Variants in ADAM22 observed in about 807,000 individuals in gnomAD.
The protein encoded by ADAM22 is ADAM metallopeptidase domain 22, also known as disintegrin and metalloproteinase domain-containing protein 22.
A neutral mutation model predicts 144.6 loss-of-function variants in ADAM22; 65 were observed. The observed-to-expected ratio is 0.45, with a 90% CI of 0.37 to 0.55. The LOEUF (loss-of-function observed/expected upper bound fraction) is 0.55. Ranked by LOEUF, ADAM22 falls within the 20% of genes least tolerant of loss-of-function variation. ADAM22 has a pLI of 0.00. For synonymous variants in ADAM22, 391 were observed against 412.6 expected, an observed-to-expected ratio of 0.95 and a Z score of 0.63; for missense variants, 974 against 1,184.9, an observed-to-expected ratio of 0.82 and a Z score of 2.61.
At chr7:88,096,971 TAATCTG>T (rs903929777) in intron 4 of ADAM22, among the ~76,000 whole-genome samples, 1 of 152,088 alleles carries the variant, frequency 6.6e-6, no homozygotes, top group Non-Finnish European at 1.5e-5. Flanking sequence ...ACCTCTTTAG[TAATCTG>T]ACTCTTTTTA....
chr7:88,197,104 T>C lies in ADAM22; in HGVS notation c.*613T>C, dbSNP rs968907935. The stretch of plus-strand genomic sequence containing the variant: ...TATTTATATTAGCATACAAGGACAA[T>C]TGTATATATGTAACATTTTTAAAAT... On this transcript the variant is annotated 3_prime_UTR_variant, in exon 32 of 32. Transcript: ENST00000413139. The C allele has an allele frequency of 1.3e-5, 2 of 152,396 alleles. No homozygotes were observed. The highest frequency in any genetic ancestry group is 2.9e-5 in the Non-Finnish European group (2 of 68,162). The allele number at this position is 152,396 out of a possible 1,614,324, so 9.4% of individuals were successfully genotyped here.
At chr7:88,119,997 T>A (rs530523940) in intron 7 of ADAM22, among the ~76,000 whole-genome samples, 2 of 152,244 alleles carry the variant, frequency 1.3e-5, no homozygotes, top group South Asian at 4.1e-4. Context: ...CCTCAAACCT[T>A]AGCATGCATC....
chr7:88,116,910 C>A, intron 7 of ADAM22, 96 bp downstream of exon 7: 1 of 907,086 alleles, frequency 1.1e-6, no homozygotes, highest in Non-Finnish European at 1.7e-6. Flanking sequence ...ATCATTAGCC[C>A]ACATCTGCTT....
At position 88,196,452 on chromosome 7, in the gene ADAM22, G is replaced by C; in HGVS notation, c.2875-19G>C. ...TCCTGCTTTCACAATGTGCAATTTT[G>C]CTCTTTTCTGTTGTGCAGCTATGGG... is the stretch of plus-strand genomic sequence containing the variant. On this transcript the variant is annotated intron_variant, in intron 31 of 31. Transcript: ENST00000413139. 1 of 1,613,906 alleles carries C rather than the reference G, an allele frequency of 6.2e-7. No homozygotes were observed. The highest frequency in any genetic ancestry group is 8.5e-7 in the Non-Finnish European group (1 of 1,179,900).
chr7:88,135,962 G>A lies in ADAM22; in HGVS notation c.1169-18G>A, dbSNP rs748692136. 4.4e-6 allele frequency: 7 copies of A among 1,604,562 alleles called. No homozygotes were observed. The African/African-American group carries it at 8.0e-5, about 18-fold the overall frequency. ...GTGTTCACTTTATAACAAGGCATGTGTATTAATTTTCTCTTAGGTGAATGT... is the reference window on the plus strand; with the variant it reads ...GTGTTCACTTTATAACAAGGCATGTATATTAATTTTCTCTTAGGTGAATGT... On this transcript the variant is annotated intron_variant, in intron 13 of 31. Transcript: ENST00000413139.
At chr7:87,966,729 T>TTTTTG (rs1562874136) in intron 2 of ADAM22, among the ~76,000 whole-genome samples, 2 of 127,924 alleles carry the variant, frequency 1.6e-5, no homozygotes, top group East Asian at 2.2e-4. Flanking sequence ...CCGTTTTTTT[T>TTTTTG]TTTTTTTTTT....
chr7:88,053,310 A>G (rs1384109222), intron 3 of ADAM22, among the ~76,000 whole-genome samples: 1 of 152,056 alleles, frequency 6.6e-6, no homozygotes. Context: ...CGCTAAAAAA[A>G]AAAAAATTTA....
chr7:87,943,212 T>C (rs920959823), intron 2 of ADAM22, among the ~76,000 whole-genome samples: 3 of 150,760 alleles, frequency 2.0e-5, no homozygotes, highest in Non-Finnish European at 1.5e-5. Flanking sequence ...AGGCATTGTA[T>C]TGAGTGATTT....
intron 24 of ADAM22, among the ~76,000 whole-genome samples, chr7:88,167,608 C>T (rs1440139300): frequency 3.3e-5 from 5 of 152,078 alleles, no homozygotes; most frequent in African/African-American, 1.2e-4. Flanking sequence ...AATTACAAGC[C>T]CAGTGTTTCT....
intron 3 of ADAM22, among the ~76,000 whole-genome samples, chr7:88,033,952 C>T (rs1211076616): frequency 6.6e-6 from 1 of 152,110 alleles, no homozygotes; most frequent in Non-Finnish European, 1.5e-5. Context: ...GTGAGCTCCC[C>T]TCTGGCCCAG....
At chr7:88,065,186 G>A (rs541908996) in intron 3 of ADAM22, among the ~76,000 whole-genome samples, 156 of 151,896 alleles carry the variant, frequency 1.0e-3, no homozygotes, top group Admixed American at 1.7e-3. Flanking sequence ...ATTTTTTCCC[G>A]TGCATTGTTT....
At chr7:87,958,313 G>A (rs1042778593) in intron 2 of ADAM22, among the ~76,000 whole-genome samples, 14 of 152,026 alleles carry the variant, frequency 9.2e-5, no homozygotes, top group Admixed American at 3.9e-4. Flanking sequence ...CACTGTATGC[G>A]AATTTATGTA....
intron 3 of ADAM22, among the ~76,000 whole-genome samples, chr7:87,997,570 A>G (rs1352696934): frequency 6.6e-6 from 1 of 152,240 alleles, no homozygotes; most frequent in Non-Finnish European, 1.5e-5. Context: ...CCTTGAGATT[A>G]TAGCTGAGGC....
intron 4 of ADAM22, among the ~76,000 whole-genome samples, chr7:88,087,942 C>T (rs1391023994): frequency 6.6e-6 from 1 of 152,104 alleles, no homozygotes; most frequent in Non-Finnish European, 1.5e-5. Flanking sequence ...GCATCAAAAT[C>T]TTAATTGTAT....
intron 3 of ADAM22, among the ~76,000 whole-genome samples, chr7:87,980,287 C>CTTTTTTTTTTT (rs71120015): frequency 0.051 from 6,053 of 118,018 alleles, 908 homozygotes; most frequent in African/African-American, 0.21. Context: ...GCACTGTGCT[C>CTTTTTTTTTTT]TTTTTTTTTT....
Position 88,116,726 on chromosome 7 carries a change from G to T in ADAM22, c.538-19G>T. On this transcript the variant is annotated intron_variant, in intron 6 of 31. Coordinates refer to ENST00000413139, the MANE Select transcript of ADAM22 (RefSeq NM_001324418.2). The stretch of plus-strand genomic sequence containing the variant: ...ATCCTGTTGTACATGCTTAATCACT[G>T]TTGCTTGTGTCATTTCAGGAGGATT... The T allele has an allele frequency of 6.2e-7, 1 of 1,605,000 alleles. No individual in the cohort carries two copies.
intron 3 of ADAM22, 39 bp downstream of exon 3, chr7:87,978,451 T>G: frequency 6.4e-7 from 1 of 1,552,246 alleles, no homozygotes; most frequent in South Asian, 1.1e-5. Flanking sequence ...CAGATACACA[T>G]TGAATCCACT....
rs373696867 is a variant in ADAM22, at chr7:88,143,007, C to A, written c.1221-19C>A. ...AAAGATGAGTTGAACCCAGCTATTG[C>A]TTTTCTTCTCTTTTATAGCTATTAT... On this transcript the variant is annotated intron_variant, in intron 14 of 31. Transcript: ENST00000413139. 112 of 1,503,520 alleles carry A rather than the reference C, an allele frequency of 7.4e-5. No homozygotes were observed. Among genetic ancestry groups the A allele is most frequent in the Non-Finnish European group, 9.8e-5 (107 of 1,086,878 alleles). 93.1% of individuals were successfully genotyped at this position (1,503,520 alleles called of 1,614,324 possible).
At chr7:88,153,159 C>A in intron 20 of ADAM22, 62 bp from the exon 21 acceptor site, 1 of 1,195,970 alleles carries the variant, frequency 8.4e-7, no homozygotes, top group Non-Finnish European at 1.2e-6. Flanking sequence ...TTCTTTTCTG[C>A]AAAGCTTTTG....
Sources: gnomAD v4.1 joint callset for allele counts (sites outside exome capture counted in the v4.1 genomes callset) on GRCh38, gnomAD v4.1.1 for gene constraint, MANE v1.5 for transcripts, NCBI Gene and HGNC (gene_info 2026-07-23, HGNC 2026-07-21) for gene names.